The following ANTXR1 variants were observed in gnomAD, a reference collection of about 807,000 sequenced individuals.
ANTXR1 encodes anthrax toxin receptor 1.
Under a neutral mutation model 78.1 loss-of-function variants are expected in ANTXR1, and 19 were observed. The ratio of observed to expected loss-of-function variants is 0.24; its 90% CI spans 0.17 to 0.36. ANTXR1 has a LOEUF of 0.36. ANTXR1 is among the 10% of genes least tolerant of loss of function. The pLI, the probability that ANTXR1 is intolerant of heterozygous loss-of-function variation, is 1.00. For synonymous variants in ANTXR1, 273 were observed against 260.5 expected (o/e 1.05, Z -0.46); for missense variants, 518 against 718.6 (o/e 0.72, Z 3.19).
chr2:69,104,684 A>G (rs1671745877), intron 10 of ANTXR1, among the ~76,000 whole-genome samples: 2 of 152,220 alleles, frequency 1.3e-5, no homozygotes, highest in Non-Finnish European at 2.9e-5. Context: ...TTCCCAAACA[A>G]GCAGGCTTTC....
intron 10 of ANTXR1, among the ~76,000 whole-genome samples, chr2:69,119,728 C>G (rs1672282629): frequency 6.6e-6 from 1 of 152,226 alleles, no homozygotes; most frequent in African/African-American, 2.4e-5. Flanking sequence ...TCTATCAAGG[C>G]TGGTGCTTAT....
intron 1 of ANTXR1, among the ~76,000 whole-genome samples, chr2:69,039,640 G>T (rs1416455744): frequency 6.6e-6 from 1 of 152,092 alleles, no homozygotes; most frequent in Non-Finnish European, 1.5e-5. Context: ...TGTGTTTATC[G>T]TGTGTGCTAA....
At chr2:69,026,071 C>G (rs1286947146) in intron 1 of ANTXR1, among the ~76,000 whole-genome samples, 1 of 152,216 alleles carries the variant, frequency 6.6e-6, no homozygotes, top group Admixed American at 6.5e-5. Flanking sequence ...ATTCCCGTAA[C>G]AATTAGCGGA....
chr2:69,152,059 CTG>C (rs1399744435), intron 12 of ANTXR1, 108 bp from the exon 13 acceptor site: 1 of 1,100,038 alleles, frequency 9.1e-7, no homozygotes, highest in African/African-American at 1.5e-5. Context: ...GCTTGGCAAA[CTG>C]TGCTGCTCTC....
At chr2:69,096,016 T>A (rs1055756009) in intron 9 of ANTXR1, among the ~76,000 whole-genome samples, 4 of 151,970 alleles carry the variant, frequency 2.6e-5, no homozygotes, top group Non-Finnish European at 5.9e-5. Context: ...CCCAGCACTT[T>A]GGGAGGCCAA....
intron 13 of ANTXR1, among the ~76,000 whole-genome samples, chr2:69,168,735 G>A (rs544250298): frequency 1.9e-4 from 29 of 152,252 alleles, no homozygotes; most frequent in African/African-American, 5.5e-4. Context: ...GGACAGGAGC[G>A]ATCCTCCCCA....
rs1327488212 is a variant in ANTXR1 at position 69,249,285 on chromosome 2, G to A, written c.*3800G>A. 6.6e-6 allele frequency: 1 copy of A among 151,886 alleles called. No homozygotes were observed. Among genetic ancestry groups the A allele is most frequent in the Non-Finnish European group, 1.5e-5 (1 of 68,004 alleles). 9.4% of individuals were successfully genotyped at this position (151,886 alleles called of 1,614,324 possible). A position where few individuals can be genotyped will look rare whatever the true frequency, so the allele number is the denominator to read the frequency against. On this transcript the variant is annotated 3_prime_UTR_variant, in exon 18 of 18. Coordinates refer to ENST00000303714, the MANE Select transcript of ANTXR1 (RefSeq NM_032208.3). Reference sequence around the variant, plus strand: ...GCAAAACCTGTACAATGACAACCCTGGAAGTTGCTTTTTTAAAAAAAATAA... The same window carrying A: ...GCAAAACCTGTACAATGACAACCCTAGAAGTTGCTTTTTTAAAAAAAATAA...
intron 12 of ANTXR1, among the ~76,000 whole-genome samples, chr2:69,140,192 C>T (rs184688563): frequency 6.6e-6 from 1 of 152,316 alleles, no homozygotes; most frequent in African/African-American, 2.4e-5. Context: ...ATAAGAGCCT[C>T]AAAGCTTGAG....
At chr2:69,222,297 G>T (rs57921511) in intron 17 of ANTXR1, among the ~76,000 whole-genome samples, 3,348 of 152,266 alleles carry the variant, frequency 0.022, 145 homozygotes, top group African/African-American at 0.076. Flanking sequence ...GTGTGATGAG[G>T]TAATGTTTTC....
intron 17 of ANTXR1, among the ~76,000 whole-genome samples, chr2:69,215,277 C>A (rs551658490): frequency 6.6e-6 from 1 of 152,364 alleles, no homozygotes; most frequent in African/African-American, 2.4e-5. Context: ...AGCACAGCAA[C>A]TTTTCTCTCC....
At chr2:69,055,229 T>C (rs1206012391) in intron 3 of ANTXR1, among the ~76,000 whole-genome samples, 1 of 152,132 alleles carries the variant, frequency 6.6e-6, no homozygotes, top group East Asian at 1.9e-4. Context: ...AGTCCCCAGC[T>C]CCCCTTGGCC....
intron 3 of ANTXR1, among the ~76,000 whole-genome samples, chr2:69,062,629 ATTATACCGAAGTCTCCACTGCTTTTT>A (rs571697553): frequency 6.6e-6 from 1 of 152,322 alleles, no homozygotes; most frequent in Admixed American, 6.5e-5. Context: ...ACAAATCAAT[ATTATACCGAAGTCTCCACTGCTTTTT>A]TTATACTCAG....
At chr2:69,146,310 C>T in intron 12 of ANTXR1, 2 of 985,428 alleles carry the variant, frequency 2.0e-6, no homozygotes, top group Non-Finnish European at 2.4e-6. Context: ...GAACTCCCCC[C>T]ACCACTTGCT....
At chr2:69,122,197 C>T (rs1672369497) in intron 10 of ANTXR1, among the ~76,000 whole-genome samples, 1 of 152,214 alleles carries the variant, frequency 6.6e-6, no homozygotes, top group Non-Finnish European at 1.5e-5. Context: ...CCTGTCTTTG[C>T]TCATGCCATT....
chr2:69,120,925 G>T (rs574859130), intron 10 of ANTXR1, among the ~76,000 whole-genome samples: 1 of 152,122 alleles, frequency 6.6e-6, no homozygotes, highest in Non-Finnish European at 1.5e-5. Flanking sequence ...CTCATTTGGA[G>T]CCATTGTCTG....
At chr2:69,096,268 G>T (rs539712590) in intron 9 of ANTXR1, among the ~76,000 whole-genome samples, 1 of 8,250 alleles carries the variant, frequency 1.2e-4, no homozygotes, top group South Asian at 3.3e-3. Flanking sequence ...AAGGAAGGAA[G>T]GAAGGAAGGA....
rs1669759859 is a variant in ANTXR1, at chr2:69,046,085, C to T, written c.296+1272C>T. Among the ~76,000 whole-genome samples, 5 of 152,118 alleles carry T rather than the reference C, an allele frequency of 3.3e-5. No individual in the cohort carries two copies. In the South Asian group the frequency reaches 1.0e-3, roughly 32 times the overall value. On this transcript the variant is annotated intron_variant, in intron 3 of 17. Coordinates refer to ENST00000303714, the MANE Select transcript of ANTXR1 (RefSeq NM_032208.3). ...CTCAAGACTCCTCATCTTGCTCAGT[C>T]TTTAGATGATGCCACCCCTTATGCA...
intron 10 of ANTXR1, among the ~76,000 whole-genome samples, chr2:69,112,002 C>T (rs1278821553): frequency 6.6e-6 from 1 of 152,180 alleles, no homozygotes; most frequent in African/African-American, 2.4e-5. Flanking sequence ...TGGTCAAAGG[C>T]ACTTAACGCA....
chr2:69,097,160 A>T (rs539384352), intron 9 of ANTXR1, among the ~76,000 whole-genome samples: 1 of 152,378 alleles, frequency 6.6e-6, no homozygotes, highest in Non-Finnish European at 1.5e-5. Context: ...GCCTGAGCAC[A>T]GTCTTTCTGT....
Sources: gnomAD v4.1 joint callset for allele counts (sites outside exome capture counted in the v4.1 genomes callset) on GRCh38, gnomAD v4.1.1 for gene constraint, MANE v1.5 for transcripts, NCBI Gene and HGNC (gene_info 2026-07-23, HGNC 2026-07-21) for gene names.